FBXL4: variants seen among roughly 807,000 people sequenced by gnomAD.
FBXL4 encodes the protein F-box and leucine rich repeat protein 4, also known as F-box/LRR-repeat protein 4.
Under a neutral mutation model 58.9 loss-of-function variants are expected in FBXL4, and 40 were observed. The ratio of observed to expected loss-of-function variants is 0.68; its 90% confidence interval spans 0.53 to 0.88. The LOEUF (loss-of-function observed/expected upper bound fraction) is 0.88. FBXL4 is among the 40% of genes least tolerant of loss of function. The pLI is 0.00. For synonymous variants in FBXL4, 263 were observed against 265.5 expected (o/e 0.99, Z 0.09); for missense variants, 676 against 734.4 (o/e 0.92, Z 0.92).
intron 4 of FBXL4, among the ~76,000 whole-genome samples, chr6:98,920,641 T>C (rs918446359): frequency 3.3e-5 from 5 of 152,116 alleles, no homozygotes; most frequent in Admixed American, 6.6e-5. Flanking sequence ...AATTCCCCAA[T>C]AGAGCTAAAA....
chr6:98,903,889 C>G (rs1018675584), intron 6 of FBXL4, among the ~76,000 whole-genome samples: 3 of 152,062 alleles, frequency 2.0e-5, no homozygotes, highest in African/African-American at 7.2e-5. Context: ...ATATCTTTAT[C>G]TTCTCTGTAG....
intron 8 of FBXL4, 104 bp from the exon 9 acceptor site, chr6:98,875,831 T>A: frequency 8.9e-7 from 1 of 1,129,664 alleles, no homozygotes; most frequent in Non-Finnish European, 1.3e-6. Context: ...TGCTTCCATG[T>A]AAACAAATCC....
intron 1 of FBXL4, among the ~76,000 whole-genome samples, chr6:98,942,225 T>C (rs1223777165): frequency 6.6e-6 from 1 of 151,608 alleles, no homozygotes; most frequent in East Asian, 1.9e-4. Context: ...CAGAATTAAA[T>C]ACTTCAAAAA....
Position 98,872,590 on chromosome 6 carries a change from G to A in FBXL4, c.*1688C>T, listed in dbSNP as rs904549880. On this transcript the variant is annotated 3_prime_UTR_variant, in exon 10 of 10. Transcript: ENST00000369244. ...TTTGAATTTTGTCAATAAAATTTTC[G>A]TGCAAATTTTATTTCTCTCTAGTTA... 2.4e-4 allele frequency: 36 copies of A among 151,958 alleles called. No individual in the cohort carries two copies. Among genetic ancestry groups the A allele is most frequent in the African/African-American group, 6.5e-4 (27 of 41,366 alleles). The allele number at this position is 151,958 out of a possible 1,614,324, so 9.4% of individuals were successfully genotyped here.
At position 98,873,988 on chromosome 6, in the gene FBXL4, T is replaced by G. The variant is rs1032686842; in HGVS notation, c.*290A>C. On this transcript the variant is annotated 3_prime_UTR_variant, in exon 10 of 10. Coordinates refer to ENST00000369244, the MANE Select transcript of FBXL4 (RefSeq NM_001278716.2). ...GTGTTCCTTTGAAAATAAGTTAGCATGATTCCATGTTATTCTTTTATCAAT... is the reference window on the plus strand; with the variant it reads ...GTGTTCCTTTGAAAATAAGTTAGCAGGATTCCATGTTATTCTTTTATCAAT... The G allele has an allele frequency of 2.8e-5, 6 of 212,460 alleles. No homozygotes were observed. The Admixed American group carries it at 3.5e-4, about 12-fold the overall frequency. 13.2% of individuals were successfully genotyped at this position (212,460 alleles called of 1,614,324 possible). A position where few individuals can be genotyped will look rare whatever the true frequency, so the allele number is the denominator to read the frequency against.
chr6:98,935,346 T>C (rs937554465), intron 1 of FBXL4, among the ~76,000 whole-genome samples: 4 of 151,636 alleles, frequency 2.6e-5, no homozygotes, highest in African/African-American at 9.7e-5. Flanking sequence ...GGAAACCCTC[T>C]TCCTGCCCAA....
intron 1 of FBXL4, among the ~76,000 whole-genome samples, chr6:98,941,110 C>T (rs1339062990): frequency 6.6e-6 from 1 of 152,046 alleles, no homozygotes; most frequent in Non-Finnish European, 1.5e-5. Flanking sequence ...CAACCAAAAA[C>T]CTGTATACAA....
intron 2 of FBXL4, among the ~76,000 whole-genome samples, chr6:98,931,370 A>G (rs373732237): frequency 6.6e-6 from 1 of 152,244 alleles, no homozygotes; most frequent in South Asian, 2.1e-4. Flanking sequence ...CATTGAGGCA[A>G]CATATGTAAA....
rs1319692896 is a variant in FBXL4, at chr6:98,894,591, C to A, written c.1317+4677G>T. Among the ~76,000 whole-genome samples, 5 of 152,172 alleles carry A rather than the reference C, an allele frequency of 3.3e-5. No individual in the cohort carries two copies. The South Asian group carries it at 8.3e-4, about 25-fold the overall frequency. On this transcript the variant is annotated intron_variant, in intron 7 of 9. Transcript: ENST00000369244. The stretch of plus-strand genomic sequence containing the variant: ...ACACAGATCACCCTCCAACTAAGGA[C>A]AAGCCTGTGACAATGCGAGCATATA...
At chr6:98,906,987 T>G (rs13213841) in intron 5 of FBXL4, among the ~76,000 whole-genome samples, 7,526 of 152,336 alleles carry the variant, frequency 0.049, 254 homozygotes, top group Middle Eastern at 0.12. Context: ...CAGTGTCTGT[T>G]CATATTCTTT....
intron 5 of FBXL4, among the ~76,000 whole-genome samples, chr6:98,908,850 C>T (rs938464571): frequency 1.3e-5 from 2 of 151,972 alleles, no homozygotes; most frequent in African/African-American, 4.8e-5. Context: ...CTATTTCTCC[C>T]ATATCAATAG....
rs183776114 is a variant in FBXL4 at position 98,875,418 on chromosome 6, A to C, written c.1699T>G (p.Leu567Val). Residue 567 changes from leucine to valine, a missense_variant, in exon 9 of 10, where the codon TTA becomes GTA. Coordinates refer to ENST00000369244, the MANE Select transcript of FBXL4 (RefSeq NM_001278716.2). ...NCTRLQQLDILGTRMVSPASL... is the reference protein window; with the variant it reads ...NCTRLQQLDIVGTRMVSPASL... ...AATTTATATATTGTAACCTTACCTA[A>C]TATGTCCAGCTGCTGTAACCTGGTA... 1.2e-6 allele frequency: 2 copies of C among 1,613,564 alleles called. No homozygotes were observed. Among genetic ancestry groups the C allele is most frequent in the Non-Finnish European group, 1.7e-6 (2 of 1,179,626 alleles).
intron 4 of FBXL4, among the ~76,000 whole-genome samples, chr6:98,922,433 G>A (rs919401870): frequency 6.6e-6 from 1 of 152,172 alleles, no homozygotes; most frequent in African/African-American, 2.4e-5. Context: ...ACACATTCTT[G>A]TTTGTTAACT....
chr6:98,900,997 G>C (rs1466856204), intron 6 of FBXL4, among the ~76,000 whole-genome samples: 1 of 152,098 alleles, frequency 6.6e-6, no homozygotes, highest in Non-Finnish European at 1.5e-5. Context: ...CAACAAATAT[G>C]CCCTGAGCTT....
At position 98,871,541 on chromosome 6, in the gene FBXL4, G is replaced by A. The variant is rs749441273; in HGVS notation, c.*2737C>T. ...GAATCTGCTAAGATGTGTTACAACT[G>A]GTGGTGTTAAAAATGTGTGAAGCAA... On this transcript the variant is annotated 3_prime_UTR_variant, in exon 10 of 10. Coordinates refer to ENST00000369244, the MANE Select transcript of FBXL4 (RefSeq NM_001278716.2). 6 of 152,218 alleles carry A rather than the reference G, an allele frequency of 3.9e-5. No homozygotes were observed. The highest frequency in any genetic ancestry group is 7.3e-5 in the Non-Finnish European group (5 of 68,030). 9.4% of individuals were successfully genotyped at this position (152,218 alleles called of 1,614,324 possible). A position where few individuals can be genotyped will look rare whatever the true frequency, so the allele number is the denominator to read the frequency against.
rs1770538291 is a variant in FBXL4, at chr6:98,873,192, T to C, written c.*1086A>G. 6.7e-6 allele frequency: 1 copy of C among 148,228 alleles called. No individual in the cohort carries two copies. The highest frequency in any genetic ancestry group is 1.5e-5 in the Non-Finnish European group (1 of 67,292). 9.2% of individuals were successfully genotyped at this position (148,228 alleles called of 1,614,324 possible). ...CATCCACACACCCTAGCAAGATATA[T>C]ATCTCTCTCTATATAATATATATAA... On this transcript the variant is annotated 3_prime_UTR_variant, in exon 10 of 10. Transcript: ENST00000369244.
At chr6:98,899,747 A>G (rs1343785983) in intron 6 of FBXL4, among the ~76,000 whole-genome samples, 3 of 152,166 alleles carry the variant, frequency 2.0e-5, no homozygotes, top group Admixed American at 1.3e-4. Flanking sequence ...AAAGTAGAAG[A>G]TATATTTTTC....
intron 1 of FBXL4, among the ~76,000 whole-genome samples, chr6:98,935,948 G>GA (rs1773202789): frequency 2.0e-5 from 3 of 152,078 alleles, no homozygotes; most frequent in Non-Finnish European, 4.4e-5. Context: ...ACTGAAGAAA[G>GA]AAAAAATGAT....
At chr6:98,886,900 A>G (rs1052748945) in intron 7 of FBXL4, among the ~76,000 whole-genome samples, 3 of 152,188 alleles carry the variant, frequency 2.0e-5, no homozygotes, top group African/African-American at 4.8e-5. Context: ...GGACAATAAG[A>G]TTCTCATGAT....
Sources: gnomAD v4.1 joint callset for allele counts (sites outside exome capture counted in the v4.1 genomes callset) on GRCh38, gnomAD v4.1.1 for gene constraint, MANE v1.5 for transcripts, NCBI Gene and HGNC (gene_info 2026-07-23, HGNC 2026-07-21) for gene names.